NEO1: variants seen among roughly 807,000 people sequenced by gnomAD.
The protein encoded by NEO1 is neogenin.
Under a neutral mutation model 159.7 loss-of-function variants are expected in NEO1, and 63 were observed. The observed-to-expected ratio is 0.39, with a 90% CI of 0.32 to 0.49. The LOEUF is 0.49. NEO1 is among the 20% of genes least tolerant of loss of function. NEO1 has a pLI of 0.85. For synonymous variants in NEO1, 633 were observed against 662.0 expected, an observed-to-expected ratio of 0.96 and a Z score of 0.67; for missense variants, 1,615 against 1,831.0, an observed-to-expected ratio of 0.88 and a Z score of 2.15.
At chr15:73,198,922 T>C (rs890885800) in intron 7 of NEO1, among the ~76,000 whole-genome samples, 1 of 151,668 alleles carries the variant, frequency 6.6e-6, no homozygotes, top group African/African-American at 2.4e-5. Context: ...ATTTAACATC[T>C]TAATATGATA....
chr15:73,254,293 A>G (rs1273655197), intron 12 of NEO1, among the ~76,000 whole-genome samples: 1 of 152,034 alleles, frequency 6.6e-6, no homozygotes, highest in Non-Finnish European at 1.5e-5. Flanking sequence ...GAAATTGTCT[A>G]ATTTCAGCTC....
intron 2 of NEO1, among the ~76,000 whole-genome samples, chr15:73,122,189 TC>T (rs2071707639): frequency 6.7e-6 from 1 of 150,080 alleles, no homozygotes; most frequent in Non-Finnish European, 1.5e-5. Context: ...TATATAGATA[TC>T]ATATATATTT....
At chr15:73,058,589 G>T (rs1174267539) in intron 1 of NEO1, among the ~76,000 whole-genome samples, 1 of 152,198 alleles carries the variant, frequency 6.6e-6, no homozygotes, top group African/African-American at 2.4e-5. Flanking sequence ...ACTTGTGTGT[G>T]TATGTGGGGG....
intron 6 of NEO1, among the ~76,000 whole-genome samples, chr15:73,178,077 C>T (rs996643741): frequency 7.2e-5 from 11 of 152,080 alleles, no homozygotes; most frequent in African/African-American, 2.2e-4. Context: ...ACTTTCCATG[C>T]GTTAAGTTCT....
intron 1 of NEO1, among the ~76,000 whole-genome samples, chr15:73,083,011 G>A (rs1455984235): frequency 1.3e-5 from 2 of 152,160 alleles, no homozygotes; most frequent in Non-Finnish European, 2.9e-5. Flanking sequence ...ATAACAGAGT[G>A]CCTGGAATGT....
In NEO1 at chr15:73,278,200, G is replaced by C. The variant is rs1421309260; in HGVS notation, c.3262+1G>C. 6.2e-7 allele frequency: 1 copy of C among 1,611,188 alleles called. No homozygotes were observed. The highest frequency in any genetic ancestry group is 1.1e-5 in the South Asian group (1 of 90,858). ...TCCGACTACAAACCTCCAATGAGCG[G>C]TAAAGCCTTTCCCATGGCGTTTTTT... On this transcript the variant is annotated splice_donor_variant, in intron 22 of 28. Transcript: ENST00000261908. LOFTEE classifies it high-confidence loss of function.
intron 26 of NEO1, 55 bp from the exon 27 acceptor site, chr15:73,298,293 C>T: frequency 1.2e-6 from 2 of 1,602,274 alleles, no homozygotes; most frequent in Non-Finnish European, 1.7e-6. Flanking sequence ...AACTGTGGGA[C>T]TGTCACATAT....
intron 5 of NEO1, among the ~76,000 whole-genome samples, chr15:73,144,940 A>G (rs2032757868): frequency 6.6e-6 from 1 of 152,078 alleles, no homozygotes; most frequent in South Asian, 2.1e-4. Flanking sequence ...CCCCTGATTC[A>G]AGTCCAAGTC....
At chr15:73,298,254 C>CT in intron 26 of NEO1, 94 bp from the exon 27 acceptor site, 1 of 1,483,474 alleles carries the variant, frequency 6.7e-7, no homozygotes. Context: ...TGCTATTGAG[C>CT]TGGTTTAGGG....
intron 23 of NEO1, among the ~76,000 whole-genome samples, chr15:73,287,150 C>G (rs188947612): frequency 6.6e-6 from 1 of 152,244 alleles, no homozygotes; most frequent in African/African-American, 2.4e-5. Context: ...TCACTATGTC[C>G]CCACCACTCA....
intron 5 of NEO1, chr15:73,161,815 C>A: frequency 3.4e-6 from 1 of 292,628 alleles, no homozygotes; most frequent in Non-Finnish European, 6.6e-6. Context: ...GAATTACCTC[C>A]TGGTCAGTCT....
At chr15:73,131,277 T>A (rs897647293) in intron 4 of NEO1, among the ~76,000 whole-genome samples, 1 of 152,206 alleles carries the variant, frequency 6.6e-6, no homozygotes, top group Non-Finnish European at 1.5e-5. Context: ...TGTAAAGCAG[T>A]CATCATAGCA....
chr15:73,081,188 G>A (rs2069026370), intron 1 of NEO1, among the ~76,000 whole-genome samples: 1 of 151,756 alleles, frequency 6.6e-6, no homozygotes, highest in African/African-American at 2.4e-5. Context: ...TTTTCTCATT[G>A]TCTCACCTGT....
chr15:73,266,077 T>C (rs2040875672), intron 15 of NEO1, among the ~76,000 whole-genome samples: 1 of 152,184 alleles, frequency 6.6e-6, no homozygotes, highest in Non-Finnish European at 1.5e-5. Context: ...CAAGAGAGAA[T>C]TCAAACACAG....
At position 73,302,617 on chromosome 15, in the gene NEO1, A is replaced by G. The variant is rs759562319; in HGVS notation, c.4307A>G (p.Tyr1436Cys). ...ACAGTGTTTTCTTTTCCATAGAGCT[A>G]TGAACCAGATGAGCTGACCAAAGAG... is the stretch of plus-strand genomic sequence containing the variant. ...TRMLEDSESSYEPDELTKEMA... is the reference protein window; with the variant it reads ...TRMLEDSESSCEPDELTKEMA... Residue 1436 changes from tyrosine to cysteine, a missense_variant, in exon 29 of 29, where the codon TAT becomes TGT. By Grantham distance (194) the Tyr-to-Cys change is radical. Around this residue, in one of 3 missense-constraint regions of NEO1, gnomAD observed 471 missense variants for 498.9 expected, o/e 0.94. Transcript: ENST00000261908. The G allele has an allele frequency of 1.2e-6, 2 of 1,613,894 alleles. No individual in the cohort carries two copies. Among genetic ancestry groups the G allele is most frequent in the South Asian group, 2.2e-5 (2 of 91,032 alleles).
rs541034958 is a variant in NEO1 at position 73,302,545 on chromosome 15, C to G, written c.4303-68C>G. On this transcript the variant is annotated intron_variant, in intron 28 of 28. Coordinates refer to ENST00000261908, the MANE Select transcript of NEO1 (RefSeq NM_002499.4). ...TACTGACCACATGAGGCTTTGGCCT[C>G]TCTCTGGGCTCTCCTTTCTGAGCTG... The G allele has an allele frequency of 3.6e-5, 52 of 1,456,706 alleles. No homozygotes were observed. The South Asian group carries it at 4.4e-4, about 12-fold the overall frequency. 90.2% of individuals were successfully genotyped at this position (1,456,706 alleles called of 1,614,324 possible).
chr15:73,127,791 G>T (rs1399705276), intron 4 of NEO1, among the ~76,000 whole-genome samples: 2 of 152,082 alleles, frequency 1.3e-5, no homozygotes, highest in African/African-American at 4.8e-5. Context: ...ATGTTTAGTG[G>T]GAAACATTTT....
intron 13 of NEO1, among the ~76,000 whole-genome samples, chr15:73,257,188 A>AT (rs1443157116): frequency 6.9e-6 from 1 of 145,330 alleles, no homozygotes; most frequent in Non-Finnish European, 1.5e-5. Context: ...GATAAATAAC[A>AT]TTTGCCATTT....
At chr15:73,140,187 G>A (rs1171281155) in intron 5 of NEO1, among the ~76,000 whole-genome samples, 1 of 152,112 alleles carries the variant, frequency 6.6e-6, no homozygotes, top group African/African-American at 2.4e-5. Context: ...AAACCACTGG[G>A]GACTCTAATG....
Sources: gnomAD v4.1 joint callset for allele counts (sites outside exome capture counted in the v4.1 genomes callset) on GRCh38, gnomAD v4.1.1 for gene constraint, gnomAD v4.1.1 regional missense constraint, MANE v1.5 for transcripts, NCBI Gene and HGNC (gene_info 2026-07-23, HGNC 2026-07-21) for gene names.